Variants in MX1 observed in about 807,000 individuals in gnomAD.
MX1 encodes interferon-induced GTP-binding protein Mx1.
MX1 carries 66 observed loss-of-function variants against 66.4 expected under a neutral mutation model. That is an observed-to-expected ratio of 0.99 (90% CI 0.82 to 1.22). The LOEUF is 1.22. Among genes scored for constraint, MX1 ranks in the 50% most tolerant of loss-of-function variants. The probability of loss-of-function intolerance (pLI) is 0.00; values close to 1 mark genes in which losing one functional copy is unlikely to be tolerated. For missense variants in MX1, 787 were observed against 834.3 expected (o/e 0.94, Z 0.70); for synonymous variants, 311 against 318.1 (o/e 0.98, Z 0.24).
chr21:41,438,119 A>T (rs551878318), intron 7 of MX1, among the ~76,000 whole-genome samples: 1 of 152,364 alleles, frequency 6.6e-6, no homozygotes, highest in African/African-American at 2.4e-5. Flanking sequence ...GAAGGTACTG[A>T]AGAGACATGA....
chr21:41,455,903 T>G (rs1232785783), intron 16 of MX1, among the ~76,000 whole-genome samples: 2 of 152,224 alleles, frequency 1.3e-5, no homozygotes, highest in African/African-American at 2.4e-5. Context: ...TCCTGGTATA[T>G]TAGGATTGTG....
chr21:41,438,393 T>C (rs2090420573), intron 7 of MX1, among the ~76,000 whole-genome samples: 1 of 152,202 alleles, frequency 6.6e-6, no homozygotes, highest in Non-Finnish European at 1.5e-5. Context: ...GGGCAGTTCT[T>C]CTCTGGGCTA....
chr21:41,425,363 G>C (rs2090040719), upstream of MX1, among the ~76,000 whole-genome samples: 1 of 152,170 alleles, frequency 6.6e-6, no homozygotes, highest in African/African-American at 2.4e-5. Context: ...AGGGTGGGGA[G>C]AATTACAAAT....
chr21:41,424,226 A>AGTGAGTGT, upstream of MX1, among the ~76,000 whole-genome samples: 1 of 146,320 alleles, frequency 6.8e-6, no homozygotes, highest in African/African-American at 2.6e-5. Flanking sequence ...AGAGGGGTTG[A>AGTGAGTGT]GTGTGTGTGT....
intron 16 of MX1, among the ~76,000 whole-genome samples, chr21:41,454,155 T>C (rs2090903252): frequency 6.6e-6 from 1 of 152,214 alleles, no homozygotes; most frequent in Admixed American, 6.5e-5. Flanking sequence ...TTACAGCCGT[T>C]TCAAAATATG....
chr21:41,437,542 G>A (rs1231621485), intron 7 of MX1, among the ~76,000 whole-genome samples: 1 of 151,928 alleles, frequency 6.6e-6, no homozygotes, highest in East Asian at 2.0e-4. Flanking sequence ...TCAGGAGGCT[G>A]AGGTGGGAGA....
chr21:41,436,922 T>C, intron 6 of MX1, 93 bp from the exon 7 acceptor site: 4 of 1,469,688 alleles, frequency 2.7e-6, no homozygotes, highest in South Asian at 1.3e-5. Context: ...TCTCCCCATA[T>C]GATTGTATAA....
At chr21:41,449,569 T>A in intron 14 of MX1, 1 of 328,440 alleles carries the variant, frequency 3.0e-6, no homozygotes, top group Admixed American at 4.8e-5. Context: ...GACCTCCTAT[T>A]CTTCTGATGG....
intron 10 of MX1, among the ~76,000 whole-genome samples, chr21:41,443,280 C>T (rs1363633438): frequency 2.0e-5 from 3 of 152,168 alleles, no homozygotes; most frequent in South Asian, 2.1e-4. Context: ...AAATTTGGAT[C>T]GAGTGAGAAG....
intron 13 of MX1, among the ~76,000 whole-genome samples, chr21:41,447,508 G>A (rs2090695932): frequency 6.6e-6 from 1 of 152,110 alleles, no homozygotes; most frequent in Non-Finnish European, 1.5e-5. Flanking sequence ...CATGCTGAGT[G>A]AAAGAAGCCA....
chr21:41,439,158 A>C (rs2090440550), intron 7 of MX1, among the ~76,000 whole-genome samples: 1 of 150,490 alleles, frequency 6.6e-6, no homozygotes, highest in Non-Finnish European at 1.5e-5. Context: ...GAAAAGAGTA[A>C]AGTGGTGTTA....
intron 16 of MX1, among the ~76,000 whole-genome samples, chr21:41,457,727 C>T: frequency 6.6e-6 from 1 of 152,188 alleles, no homozygotes; most frequent in East Asian, 1.9e-4. Context: ...GCCATCTTAA[C>T]CATTTGGGGG....
chr21:41,420,558 C>G (rs457274), exon 1 of MX1: 53,593 of 152,148 alleles, frequency 0.35, 10,591 homozygotes, highest in East Asian at 0.58. Flanking sequence ...TGGAAACCAG[C>G]GAGCAGAAAT....
Position 41,432,132 on chromosome 21 carries a change from T to C in MX1, c.62T>C (p.Leu21Ser). ...CCAGCTGCTGCATCCCACCCTCTAT[T>C]ACTGAATGGAGATGCTACTGTGGCC... ...ADPAAASHPL[L>S]LNGDATVAQK... The change falls in exon 5 of 17, where the codon TTA (leucine) becomes TCA (serine). Residue 21 changes from leucine (L) to serine (S), a missense_variant. Physicochemically the swap from Leu to Ser is moderately radical, Grantham distance 145. Transcript: ENST00000398598. 2 of 1,614,172 alleles carry C rather than the reference T, an allele frequency of 1.2e-6. No individual in the cohort carries two copies. The highest frequency in any genetic ancestry group is 1.7e-6 in the Non-Finnish European group (2 of 1,180,034).
intron 13 of MX1, among the ~76,000 whole-genome samples, chr21:41,446,812 T>C (rs1601520889): frequency 6.6e-6 from 1 of 152,186 alleles, no homozygotes; most frequent in East Asian, 1.9e-4. Flanking sequence ...AGTTTCAACA[T>C]AGGAATTTTT....
At chr21:41,443,289 A>G (rs2090569666) in intron 10 of MX1, among the ~76,000 whole-genome samples, 1 of 152,208 alleles carries the variant, frequency 6.6e-6, no homozygotes, top group South Asian at 2.1e-4. Flanking sequence ...TCGAGTGAGA[A>G]GATACTTGAC....
chr21:41,455,690 G>A (rs1208534526), intron 16 of MX1, among the ~76,000 whole-genome samples: 3 of 152,240 alleles, frequency 2.0e-5, no homozygotes, highest in African/African-American at 7.2e-5. Flanking sequence ...GTACCTGGGA[G>A]ATTGTTCTGC....
chr21:41,445,709 A>C, intron 12 of MX1, 139 bp downstream of exon 12: 1 of 1,231,778 alleles, frequency 8.1e-7, no homozygotes, highest in Non-Finnish European at 1.1e-6. Flanking sequence ...AAGGGTGGAC[A>C]GGGCTGAGGG....
At chr21:41,432,413 G>A (rs1042113639) in intron 5 of MX1, among the ~76,000 whole-genome samples, 5 of 152,232 alleles carry the variant, frequency 3.3e-5, no homozygotes, top group African/African-American at 1.2e-4. Context: ...AGCTGTCGAT[G>A]GGTTCAGCTC....
Sources: allele counts gnomAD v4.1 joint callset (sites outside exome capture counted in the v4.1 genomes callset), GRCh38; gene constraint gnomAD v4.1.1; transcripts MANE v1.5; gene names NCBI Gene and HGNC (gene_info 2026-07-23, HGNC 2026-07-21).